The following COL5A1 variants were observed in gnomAD, a reference collection of about 807,000 sequenced individuals.
COL5A1 encodes the protein collagen alpha-1(V) chain.
A neutral mutation model predicts 263.7 loss-of-function variants in COL5A1; 16 were observed. The ratio of observed to expected loss-of-function variants is 0.06; its 90% CI spans 0.04 to 0.09. The LOEUF is 0.09. COL5A1 is among the 10% of genes least tolerant of loss of function. COL5A1 has a pLI of 1.00. For missense variants in COL5A1, 2,036 were observed against 2,540.5 expected, an observed-to-expected ratio of 0.80 and a Z score of 4.27; for synonymous variants, 1,012 against 1,004.5, an observed-to-expected ratio of 1.01 and a Z score of -0.14.
chr9:134,785,911 G>A, intron 30 of COL5A1, 84 bp from the exon 31 acceptor site: 1 of 1,308,220 alleles, frequency 7.6e-7, no homozygotes, highest in Non-Finnish European at 1.1e-6. Flanking sequence ...GCCCCTGCCA[G>A]AACGCATGTC....
At chr9:134,767,624 A>G (rs1295461137) in intron 24 of COL5A1, among the ~76,000 whole-genome samples, 1 of 152,262 alleles carries the variant, frequency 6.6e-6, no homozygotes, top group Admixed American at 6.5e-5. Context: ...AATACAGGAC[A>G]TGCAGTTAAA....
chr9:134,728,273 T>C (rs922029902), intron 5 of COL5A1, among the ~76,000 whole-genome samples: 1 of 152,220 alleles, frequency 6.6e-6, no homozygotes, highest in African/African-American at 2.4e-5. Flanking sequence ...ACTGAAGCCC[T>C]ACCCGTGGGG....
intron 65 of COL5A1, among the ~76,000 whole-genome samples, chr9:134,837,063 T>C (rs1839875812): frequency 6.6e-6 from 1 of 152,230 alleles, no homozygotes; most frequent in Non-Finnish European, 1.5e-5. Context: ...TGTCAAACCA[T>C]GCCTTTAGAG....
intron 25 of COL5A1, among the ~76,000 whole-genome samples, chr9:134,769,161 G>C (rs1045322656): frequency 5.3e-5 from 8 of 152,224 alleles, no homozygotes; most frequent in African/African-American, 1.9e-4. Flanking sequence ...AATTATTGAA[G>C]ATGCAGTATG....
At chr9:134,661,743 C>G (rs1477538593) in intron 1 of COL5A1, among the ~76,000 whole-genome samples, 3 of 152,160 alleles carry the variant, frequency 2.0e-5, no homozygotes, top group Non-Finnish European at 4.4e-5. Context: ...ACCTAAATGT[C>G]TTTAATTCTG....
Position 134,820,954 on chromosome 9 carries a change from G to A in COL5A1, c.4554+731G>A, listed in dbSNP as rs117369283. Among the ~76,000 whole-genome samples, 236 of 152,308 alleles carry A rather than the reference G, an allele frequency of 1.5e-3. 5 individuals carry two copies. In the East Asian group the frequency reaches 0.043, roughly 28 times the overall value. On this transcript the variant is annotated intron_variant, in intron 58 of 65. Transcript: ENST00000371817. Reference sequence around the variant, plus strand: ...ACGCCCATGCCTCATAGGATGCGGGGGACAGGGCAGGAGCAGGCAGAGCCC... The same window carrying A: ...ACGCCCATGCCTCATAGGATGCGGGAGACAGGGCAGGAGCAGGCAGAGCCC...
chr9:134,779,761 T>C (rs926647373), intron 27 of COL5A1, among the ~76,000 whole-genome samples: 1 of 151,742 alleles, frequency 6.6e-6, no homozygotes, highest in Admixed American at 6.6e-5. Flanking sequence ...AAGGTGGGGG[T>C]GTTTCTAGAA....
chr9:134,790,515 CA>C (rs1200427575), intron 32 of COL5A1, among the ~76,000 whole-genome samples: 3 of 100,052 alleles, frequency 3.0e-5, no homozygotes, highest in East Asian at 7.6e-4. Flanking sequence ...CCCACCCATC[CA>C]TTCATCCATC....
rs771551819 is a variant in COL5A1 at position 134,783,649 on chromosome 9, C to T, written c.2484+929C>T. On this transcript the variant is annotated intron_variant, in intron 29 of 65. Transcript: ENST00000371817. ...TGCCGCAGTCATCCCCCTGCAGCAC[C>T]GGCTCGCAGGTGGCTTTCCAGAACA... Among the ~76,000 whole-genome samples the T allele has an allele frequency of 3.2e-4, 48 of 152,280 alleles. 1 individual carries two copies. Among genetic ancestry groups the T allele is most frequent in the Admixed American group, 2.5e-3 (38 of 15,302 alleles).
At chr9:134,665,387 T>G (rs902568474) in intron 1 of COL5A1, among the ~76,000 whole-genome samples, 3 of 152,212 alleles carry the variant, frequency 2.0e-5, no homozygotes, top group Non-Finnish European at 4.4e-5. Flanking sequence ...GATGAAGTTT[T>G]CATTTGCTGA....
Position 134,643,969 on chromosome 9 carries a change from C to T in COL5A1, c.109+1673C>T, listed in dbSNP as rs1031582170. On this transcript the variant is annotated intron_variant, in intron 1 of 65. Coordinates refer to ENST00000371817, the MANE Select transcript of COL5A1 (RefSeq NM_000093.5). ...GTCTTTTTCCCTCTCTGGTTGCCCT[C>T]GCTAATCGAAGTGCGGCTCGTTGGA... 2.6e-5 allele frequency among the ~76,000 whole-genome samples: 4 copies of T among 152,234 alleles called. 1 individual carries two copies. In the South Asian group the frequency reaches 6.2e-4, roughly 24 times the overall value.
intron 11 of COL5A1, among the ~76,000 whole-genome samples, chr9:134,739,338 G>T (rs1209369798): frequency 6.6e-6 from 1 of 152,232 alleles, no homozygotes; most frequent in Non-Finnish European, 1.5e-5. Flanking sequence ...AAGTACTGCG[G>T]CCTCCTGGTG....
rs1830133876 is a variant in COL5A1 at position 134,842,414 on chromosome 9, C to T, written c.*111C>T. 2 of 1,337,112 alleles carry T rather than the reference C, an allele frequency of 1.5e-6. No individual in the cohort carries two copies. Among genetic ancestry groups the T allele is most frequent in the South Asian group, 2.5e-5 (2 of 80,378 alleles). 82.8% of individuals were successfully genotyped at this position (1,337,112 alleles called of 1,614,324 possible). ...TGGACAGTGAAGGCTTCTCCCTCCC[C>T]TCCCACCTGACTTCATCTACGCCTC... On this transcript the variant is annotated 3_prime_UTR_variant, in exon 66 of 66. Coordinates refer to ENST00000371817, the MANE Select transcript of COL5A1 (RefSeq NM_000093.5). This position sits in a 1 kb window ranked among gnomAD's most constrained non-coding sequence, Gnocchi z 5.8.
intron 4 of COL5A1, among the ~76,000 whole-genome samples, chr9:134,713,090 T>G (rs3124294): frequency 0.51 from 77,380 of 152,216 alleles, 20,127 homozygotes; most frequent in Admixed American, 0.65. Context: ...TTGGAAATAC[T>G]TTTTGGAGCT....
rs1301931623 is a variant in COL5A1 at position 134,789,187 on chromosome 9, C to T, written c.2679C>T (p.Ala893=). 1 of 1,613,096 alleles carries T rather than the reference C, an allele frequency of 6.2e-7. No homozygotes were observed. Among genetic ancestry groups the T allele is most frequent in the Admixed American group, 1.7e-5 (1 of 60,010 alleles). ...TTGGATTCCCTGGATTTCCTGGCGC[C>T]AATGGAGAGAAGGGCGGCAGGGTAA... ...GSIGFPGFPG[A]NGEKGGRGTP... Residue 893 remains alanine, a synonymous_variant, in exon 32 of 66, where the codon GCC becomes GCT. Transcript: ENST00000371817. The surrounding 1 kb of genome is among the most constrained non-coding windows in gnomAD (Gnocchi z 4.8).
At chr9:134,713,260 G>A (rs1312876310) in intron 4 of COL5A1, among the ~76,000 whole-genome samples, 3 of 152,268 alleles carry the variant, frequency 2.0e-5, no homozygotes, top group Non-Finnish European at 4.4e-5. Flanking sequence ...TGTCAGGGAG[G>A]CTGGGTCACA....
intron 1 of COL5A1, among the ~76,000 whole-genome samples, chr9:134,650,464 A>G (rs1441001241): frequency 6.6e-6 from 1 of 152,176 alleles, no homozygotes; most frequent in African/African-American, 2.4e-5. Context: ...CTAACATGAG[A>G]CGGACCTGTG....
At chr9:134,701,148 C>G (rs769596714) in intron 3 of COL5A1, 23 bp from the exon 4 acceptor site, 1 of 1,613,290 alleles carries the variant, frequency 6.2e-7, no homozygotes, top group Non-Finnish European at 8.5e-7. Context: ...CAAGCCCTGT[C>G]TTCACCATCT....
intron 4 of COL5A1, among the ~76,000 whole-genome samples, chr9:134,710,686 G>A (rs1452435630): frequency 1.4e-5 from 2 of 145,944 alleles, no homozygotes; most frequent in Non-Finnish European, 3.0e-5. Context: ...GCAGTGGTGG[G>A]GAAGGGGCCC....
Sources: gnomAD v4.1 joint callset for allele counts (sites outside exome capture counted in the v4.1 genomes callset) on GRCh38, gnomAD v4.1.1 for gene constraint, Gnocchi (gnomAD v3.1) non-coding constraint, MANE v1.5 for transcripts, NCBI Gene and HGNC (gene_info 2026-07-23, HGNC 2026-07-21) for gene names.